The following SKAP2 variants were observed in gnomAD, a reference collection of about 807,000 sequenced individuals.
The protein encoded by SKAP2 is src kinase-associated phosphoprotein 2.
Under a neutral mutation model 54.9 loss-of-function variants are expected in SKAP2, and 28 were observed. The ratio of observed to expected loss-of-function variants is 0.51; its 90% confidence interval spans 0.38 to 0.70. SKAP2 has a LOEUF of 0.70. Ranked by LOEUF, SKAP2 falls within the 30% of genes least tolerant of loss-of-function variation. The probability of loss-of-function intolerance (pLI) is 0.00; values close to 1 mark genes in which losing one functional copy is unlikely to be tolerated. For missense variants in SKAP2, 356 were observed against 424.1 expected, an observed-to-expected ratio of 0.84 and a Z score of 1.41; for synonymous variants, 137 against 134.3, an observed-to-expected ratio of 1.02 and a Z score of -0.14.
intron 9 of SKAP2, among the ~76,000 whole-genome samples, chr7:26,695,649 C>A (rs1349561042): frequency 6.6e-6 from 1 of 152,136 alleles, no homozygotes; most frequent in Admixed American, 6.5e-5. Flanking sequence ...AAAACATTTT[C>A]ACATAGAATA....
rs544887326 is a variant in SKAP2, at chr7:26,834,776, T to G, written c.307+9254A>C. ...AATTCTACCAGAGGTACAAAGAGGA[T>G]CTGGTACCATTCCTTCTGAAACTAT... On this transcript the variant is annotated intron_variant, in intron 4 of 12. Coordinates refer to ENST00000345317, the MANE Select transcript of SKAP2 (RefSeq NM_003930.5). Among the ~76,000 whole-genome samples the G allele has an allele frequency of 2.5e-3, 376 of 152,136 alleles. 2 individuals are homozygous for G. Among genetic ancestry groups the G allele is most frequent in the African/African-American group, 8.5e-3 (354 of 41,508 alleles).
intron 10 of SKAP2, among the ~76,000 whole-genome samples, chr7:26,688,016 C>G (rs1786686551): frequency 6.6e-6 from 1 of 151,800 alleles, no homozygotes; most frequent in Non-Finnish European, 1.5e-5. Flanking sequence ...ATTAATTAGC[C>G]AGCCTGTGAA....
At chr7:26,818,032 A>G (rs1784308940) in intron 4 of SKAP2, among the ~76,000 whole-genome samples, 1 of 152,218 alleles carries the variant, frequency 6.6e-6, no homozygotes, top group Non-Finnish European at 1.5e-5. Context: ...TTATAGATTC[A>G]ATGCTATCCC....
intron 11 of SKAP2, among the ~76,000 whole-genome samples, chr7:26,672,696 G>A (rs1008823413): frequency 2.6e-5 from 4 of 151,918 alleles, no homozygotes; most frequent in Non-Finnish European, 4.4e-5. Context: ...AATACAGGAG[G>A]CAAATTTATG....
intron 4 of SKAP2, among the ~76,000 whole-genome samples, chr7:26,770,738 T>C (rs2127974751): frequency 6.6e-6 from 1 of 152,184 alleles, no homozygotes; most frequent in Non-Finnish European, 1.5e-5. Flanking sequence ...ACTTCCCCGG[T>C]GAGATGATGC....
the SKAP2 span, among the ~76,000 whole-genome samples, chr7:26,659,521 G>A: frequency 6.6e-6 from 1 of 152,170 alleles, no homozygotes; most frequent in African/African-American, 2.4e-5. Flanking sequence ...AAAGGGAGCA[G>A]TAATGTAAAT....
At chr7:26,689,888 A>G (rs1036398715) in intron 10 of SKAP2, among the ~76,000 whole-genome samples, 3 of 152,186 alleles carry the variant, frequency 2.0e-5, no homozygotes, top group Non-Finnish European at 2.9e-5. Flanking sequence ...GCTCAAGCAC[A>G]AAGTATACAC....
intron 4 of SKAP2, among the ~76,000 whole-genome samples, chr7:26,809,736 C>T (rs1319506042): frequency 6.6e-6 from 1 of 152,132 alleles, no homozygotes; most frequent in African/African-American, 2.4e-5. Flanking sequence ...CCATATGATC[C>T]AGTAATCCCA....
intron 4 of SKAP2, among the ~76,000 whole-genome samples, chr7:26,825,190 C>A (rs1471160645): frequency 6.6e-6 from 1 of 152,134 alleles, no homozygotes; most frequent in Non-Finnish European, 1.5e-5. Context: ...TAATCTCCAG[C>A]AAAAGCTACA....
At chr7:26,676,950 T>G (rs1786362891) in intron 11 of SKAP2, among the ~76,000 whole-genome samples, 1 of 152,002 alleles carries the variant, frequency 6.6e-6, no homozygotes. Flanking sequence ...CTGTGTTCAG[T>G]GAAGAGTAAG....
chr7:26,770,502 T>C (rs1390345369), intron 4 of SKAP2, among the ~76,000 whole-genome samples: 1 of 151,898 alleles, frequency 6.6e-6, no homozygotes, highest in Non-Finnish European at 1.5e-5. Flanking sequence ...CACTGGAGTA[T>C]GAAAAAAAAC....
At chr7:26,779,515 A>C (rs1191476962) in intron 4 of SKAP2, among the ~76,000 whole-genome samples, 1 of 152,054 alleles carries the variant, frequency 6.6e-6, no homozygotes, top group Non-Finnish European at 1.5e-5. Context: ...AATGGAATAC[A>C]TTTTAATCTT....
chr7:26,834,856 T>A (rs1355966385), intron 4 of SKAP2, among the ~76,000 whole-genome samples: 2 of 152,136 alleles, frequency 1.3e-5, no homozygotes, highest in African/African-American at 2.4e-5. Context: ...GAGGCCAGCA[T>A]CATCCTGATA....
chr7:26,692,194 G>A (rs946685876), intron 9 of SKAP2, among the ~76,000 whole-genome samples: 41 of 87,872 alleles, frequency 4.7e-4, no homozygotes, highest in African/African-American at 3.0e-3. Flanking sequence ...GGAGGAATGA[G>A]GGGGGGGAAA....
chr7:26,783,881 A>G (rs1238670053), intron 4 of SKAP2, among the ~76,000 whole-genome samples: 7 of 152,070 alleles, frequency 4.6e-5, no homozygotes, highest in African/African-American at 1.7e-4. Context: ...AGCATGGCAC[A>G]TGTATACATA....
chr7:26,839,050 C>G (rs1406801602), intron 4 of SKAP2, among the ~76,000 whole-genome samples: 4 of 152,006 alleles, frequency 2.6e-5, no homozygotes, highest in African/African-American at 4.8e-5. Context: ...TTTTACTTAA[C>G]CTTTGCAGTC....
intron 4 of SKAP2, among the ~76,000 whole-genome samples, chr7:26,793,184 C>T (rs1040144626): frequency 4.6e-5 from 7 of 152,258 alleles, no homozygotes; most frequent in African/African-American, 1.4e-4. Flanking sequence ...CTGACTTGAC[C>T]CTTCTGCAAG....
chr7:26,792,231 T>G (rs990233023), intron 4 of SKAP2, among the ~76,000 whole-genome samples: 2 of 152,156 alleles, frequency 1.3e-5, no homozygotes, highest in African/African-American at 4.8e-5. Flanking sequence ...GGGAACTTTT[T>G]GGGGTGCTGG....
chr7:26,818,347 C>T (rs1784315264), intron 4 of SKAP2, among the ~76,000 whole-genome samples: 1 of 152,170 alleles, frequency 6.6e-6, no homozygotes. Flanking sequence ...AAAGGATTCC[C>T]TATTTAATAA....
Sources: allele counts gnomAD v4.1 joint callset (sites outside exome capture counted in the v4.1 genomes callset), GRCh38; gene constraint gnomAD v4.1.1; transcripts MANE v1.5; gene names NCBI Gene and HGNC (gene_info 2026-07-23, HGNC 2026-07-21).